The following CADPS variants were observed in gnomAD, a reference collection of about 807,000 sequenced individuals.
CADPS encodes calcium-dependent secretion activator 1.
CADPS carries 57 observed loss-of-function variants against 167.3 expected under a neutral mutation model. That is an observed-to-expected ratio of 0.34 (90% CI 0.28 to 0.42). The LOEUF (loss-of-function observed/expected upper bound fraction) is 0.42. Among genes scored for constraint, CADPS ranks in the 20% least tolerant of loss-of-function variants. The pLI is 1.00. For missense variants in CADPS, 1,414 were observed against 1,738.1 expected (o/e 0.81, Z 3.32); for synonymous variants, 676 against 635.3 (o/e 1.06, Z -0.96).
In CADPS at chr3:62,464,376, T is replaced by C. The variant is rs532403979; in HGVS notation, c.3636+991A>G. 3.3e-5 allele frequency among the ~76,000 whole-genome samples: 5 copies of C among 152,328 alleles called. No individual in the cohort carries two copies. In the South Asian group the frequency reaches 1.0e-3, roughly 32 times the overall value. On this transcript the variant is annotated intron_variant, in intron 26 of 29. Transcript: ENST00000383710. ...TGGGAGATTCTTCATACAGTGAGGC[T>C]GTTTTAAAGACCCACAGGCAGTGGG...
chr3:62,862,700 C>T (rs893503785), intron 1 of CADPS, among the ~76,000 whole-genome samples: 9 of 152,080 alleles, frequency 5.9e-5, no homozygotes, highest in South Asian at 4.1e-4. Context: ...CCTCTAAAAG[C>T]GTGAATCACT....
intron 18 of CADPS, among the ~76,000 whole-genome samples, chr3:62,493,866 C>T (rs2151140245): frequency 6.6e-6 from 1 of 152,260 alleles, no homozygotes; most frequent in Non-Finnish European, 1.5e-5. Context: ...TATCCTTTTA[C>T]TGTTTTTGAA....
intron 1 of CADPS, among the ~76,000 whole-genome samples, chr3:62,790,464 A>AT: frequency 6.6e-6 from 1 of 152,286 alleles, no homozygotes; most frequent in East Asian, 1.9e-4. Flanking sequence ...CTCCATATAT[A>AT]TTTTGAAAGA....
intron 7 of CADPS, among the ~76,000 whole-genome samples, chr3:62,591,812 T>C (rs564452510): frequency 2.1e-3 from 314 of 152,308 alleles, no homozygotes; most frequent in African/African-American, 7.2e-3. Flanking sequence ...CCAGTCCCTG[T>C]TGGCACTGAG....
chr3:62,616,577 T>C (rs918061603), intron 6 of CADPS, among the ~76,000 whole-genome samples: 21 of 152,194 alleles, frequency 1.4e-4, no homozygotes, highest in Non-Finnish European at 2.5e-4. Context: ...GCTGGGTCAA[T>C]GTTTTATCTG....
At chr3:62,419,595 T>C (rs891815219) in intron 28 of CADPS, among the ~76,000 whole-genome samples, 1 of 152,290 alleles carries the variant, frequency 6.6e-6, no homozygotes, top group East Asian at 1.9e-4. Flanking sequence ...TTCTCTGATA[T>C]GCATACAAGA....
At chr3:62,488,282 T>G (rs996111372) in intron 21 of CADPS, among the ~76,000 whole-genome samples, 1 of 152,176 alleles carries the variant, frequency 6.6e-6, no homozygotes, top group Non-Finnish European at 1.5e-5. Flanking sequence ...GTTCACACTT[T>G]ATTTCTATTC....
chr3:62,404,781 T>A (rs1042896787), intron 28 of CADPS: 4 of 150,328 alleles, frequency 2.7e-5, no homozygotes, highest in East Asian at 2.0e-4. Context: ...GTAGATTTTT[T>A]TTTTTTTTTT....
chr3:62,474,370 G>C, intron 23 of CADPS, 50 bp from the exon 24 acceptor site: 1 of 1,568,870 alleles, frequency 6.4e-7, no homozygotes, highest in Non-Finnish European at 8.7e-7. Flanking sequence ...GATGGCAGCA[G>C]GTGGAGGAGA....
intron 26 of CADPS, among the ~76,000 whole-genome samples, chr3:62,448,023 A>G (rs1021838112): frequency 1.3e-5 from 2 of 152,192 alleles, no homozygotes; most frequent in African/African-American, 2.4e-5. Flanking sequence ...TTTACAATCG[A>G]GAACGTAAAA....
chr3:62,824,564 A>G (rs2073678928), intron 1 of CADPS, among the ~76,000 whole-genome samples: 1 of 152,232 alleles, frequency 6.6e-6, no homozygotes, highest in Non-Finnish European at 1.5e-5. Context: ...CTTCAGGTTT[A>G]TACCTGGGGA....
intron 4 of CADPS, among the ~76,000 whole-genome samples, chr3:62,653,306 G>A (rs935434879): frequency 2.6e-5 from 4 of 152,118 alleles, no homozygotes; most frequent in Admixed American, 6.5e-5. Flanking sequence ...GCCTCGGAGA[G>A]CTGCTCATTT....
intron 1 of CADPS, among the ~76,000 whole-genome samples, chr3:62,771,196 TG>T (rs2088629681): frequency 6.6e-6 from 1 of 152,206 alleles, no homozygotes; most frequent in Admixed American, 6.5e-5. Context: ...GTGCACACAG[TG>T]AGCTCTCAAC....
At chr3:62,792,386 G>T (rs564337875) in intron 1 of CADPS, among the ~76,000 whole-genome samples, 4 of 151,744 alleles carry the variant, frequency 2.6e-5, no homozygotes, top group African/African-American at 9.7e-5. Flanking sequence ...AAATTATTTT[G>T]TAGAGACAGG....
chr3:62,606,711 T>G (rs1277995424), intron 6 of CADPS, among the ~76,000 whole-genome samples: 1 of 152,242 alleles, frequency 6.6e-6, no homozygotes, highest in African/African-American at 2.4e-5. Context: ...AACGGGGCAT[T>G]GGCAAATGTG....
At chr3:62,731,735 G>A (rs1343950721) in intron 3 of CADPS, among the ~76,000 whole-genome samples, 1 of 145,668 alleles carries the variant, frequency 6.9e-6, no homozygotes, top group African/African-American at 2.6e-5. Context: ...TGGTGAATGA[G>A]GAGTGAATCA....
rs372840450 is a variant in CADPS at position 62,634,116 on chromosome 3, A to G, written c.1325+11606T>C. On this transcript the variant is annotated intron_variant, in intron 6 of 29. Coordinates refer to ENST00000383710, the MANE Select transcript of CADPS (RefSeq NM_003716.4). The stretch of plus-strand genomic sequence containing the variant: ...TTTTTCTCCTTCCGGATAGGAAAGA[A>G]TTAAGGTAAGCCTTATCTTATTTCA... Among the ~76,000 whole-genome samples the G allele has an allele frequency of 2.8e-4, 42 of 152,330 alleles. 1 individual carries two copies. The highest frequency in any genetic ancestry group is 1.0e-3 in the African/African-American group (42 of 41,588).
chr3:62,860,368 A>G (rs2080547803), intron 1 of CADPS, among the ~76,000 whole-genome samples: 1 of 152,192 alleles, frequency 6.6e-6, no homozygotes, highest in Non-Finnish European at 1.5e-5. Flanking sequence ...ATGACAGATG[A>G]TGATGACAAA....
intron 1 of CADPS, among the ~76,000 whole-genome samples, chr3:62,795,264 G>T (rs745384058): frequency 4.0e-5 from 6 of 151,850 alleles, no homozygotes; most frequent in Non-Finnish European, 8.8e-5. Flanking sequence ...TCTCTAAGAG[G>T]CTTGCTCTTC....
Sources: allele counts gnomAD v4.1 joint callset (sites outside exome capture counted in the v4.1 genomes callset), GRCh38; gene constraint gnomAD v4.1.1; transcripts MANE v1.5; gene names NCBI Gene and HGNC (gene_info 2026-07-23, HGNC 2026-07-21).